SPATA16: variants seen among roughly 807,000 people sequenced by gnomAD.
The protein encoded by SPATA16 is spermatogenesis-associated protein 16.
Under a neutral mutation model 63.3 loss-of-function variants are expected in SPATA16, and 36 were observed. The observed-to-expected ratio is 0.57, with a 90% CI of 0.44 to 0.75. SPATA16 has a LOEUF of 0.75. SPATA16 is among the 30% of genes least tolerant of loss of function. SPATA16 has a pLI of 0.00. For missense variants in SPATA16, 646 were observed against 679.3 expected, an observed-to-expected ratio of 0.95 and a Z score of 0.54; for synonymous variants, 203 against 216.7, an observed-to-expected ratio of 0.94 and a Z score of 0.56.
chr3:173,100,935 A>T (rs1159024373), intron 2 of SPATA16, among the ~76,000 whole-genome samples: 1 of 152,186 alleles, frequency 6.6e-6, no homozygotes, highest in Non-Finnish European at 1.5e-5. Context: ...TGCTAACTTT[A>T]AAGGTGTATT....
chr3:173,137,665 A>G (rs143341659), intron 1 of SPATA16, among the ~76,000 whole-genome samples: 35 of 152,288 alleles, frequency 2.3e-4, no homozygotes, highest in African/African-American at 7.9e-4. Flanking sequence ...TGTTAACTAC[A>G]TCAGTAAATA....
chr3:173,048,929 T>A lies in SPATA16; in HGVS notation c.758+20A>T. 6.2e-7 allele frequency: 1 copy of A among 1,613,406 alleles called. No homozygotes were observed. The highest frequency in any genetic ancestry group is 8.5e-7 in the Non-Finnish European group (1 of 1,179,416). Reference sequence around the variant, plus strand: ...TAGCATGAACAGCATTTACTTGCACTTATTAGTATATGATTTTACCTGTGT... The same window carrying A: ...TAGCATGAACAGCATTTACTTGCACATATTAGTATATGATTTTACCTGTGT... On this transcript the variant is annotated intron_variant, in intron 3 of 10. Coordinates refer to ENST00000351008, the MANE Select transcript of SPATA16 (RefSeq NM_031955.6).
At chr3:173,058,811 G>A (rs1396936325) in intron 2 of SPATA16, among the ~76,000 whole-genome samples, 3 of 151,858 alleles carry the variant, frequency 2.0e-5, no homozygotes, top group Non-Finnish European at 4.4e-5. Context: ...GTTATGTTTT[G>A]TTATTGGGCT....
At chr3:172,998,040 A>C (rs559124917) in intron 4 of SPATA16, among the ~76,000 whole-genome samples, 1 of 152,084 alleles carries the variant, frequency 6.6e-6, no homozygotes, top group East Asian at 1.9e-4. Flanking sequence ...ACCTCTCTAT[A>C]TATATTTTAG....
chr3:172,979,121 C>T (rs1366032964), intron 4 of SPATA16, among the ~76,000 whole-genome samples: 1 of 152,130 alleles, frequency 6.6e-6, no homozygotes, highest in Non-Finnish European at 1.5e-5. Flanking sequence ...CCTGTAGTCC[C>T]AGCTACTCGG....
chr3:173,067,327 C>T (rs181466369), intron 2 of SPATA16, among the ~76,000 whole-genome samples: 4 of 152,118 alleles, frequency 2.6e-5, no homozygotes, highest in East Asian at 1.9e-4. Flanking sequence ...TTATGCCAAG[C>T]GAATTAATGT....
chr3:173,131,233 C>G (rs1460289498), intron 1 of SPATA16, among the ~76,000 whole-genome samples: 1 of 152,138 alleles, frequency 6.6e-6, no homozygotes, highest in Non-Finnish European at 1.5e-5. Context: ...TGGAACCTAA[C>G]AAAATACATC....
chr3:172,963,487 G>T (rs1733837514), intron 5 of SPATA16, among the ~76,000 whole-genome samples: 1 of 151,646 alleles, frequency 6.6e-6, no homozygotes, highest in South Asian at 2.1e-4. Context: ...ATTTAGTTTT[G>T]TAGTGTGTTA....
Position 172,946,730 on chromosome 3 carries a change from A to G in SPATA16, c.1081+9947T>C, listed in dbSNP as rs140174938. Among the ~76,000 whole-genome samples the G allele has an allele frequency of 2.6e-5, 4 of 152,286 alleles. No homozygotes were observed. The East Asian group carries it at 7.7e-4, about 29-fold the overall frequency. On this transcript the variant is annotated intron_variant, in intron 6 of 10. Coordinates refer to ENST00000351008, the MANE Select transcript of SPATA16 (RefSeq NM_031955.6). ...CCCCTCTCCAGGCCCTGGCTCATGG[A>G]CAGCATTTCTGGACTAGAGTTGGGC...
chr3:172,930,553 C>CTTTTTTTTT (rs34780432), intron 6 of SPATA16, among the ~76,000 whole-genome samples: 4 of 87,390 alleles, frequency 4.6e-5, no homozygotes, highest in African/African-American at 8.9e-5. Flanking sequence ...CATTCAAACT[C>CTTTTTTTTT]TTTTTTTTTT....
intron 3 of SPATA16, among the ~76,000 whole-genome samples, chr3:173,023,352 T>C (rs1735380941): frequency 6.6e-6 from 1 of 152,080 alleles, no homozygotes; most frequent in African/African-American, 2.4e-5. Flanking sequence ...GGCTGGGCTT[T>C]GTAGCCCATG....
intron 2 of SPATA16, among the ~76,000 whole-genome samples, chr3:173,070,394 CAAAAAA>C (rs34180269): frequency 1.1e-5 from 1 of 92,980 alleles, no homozygotes. Context: ...GACTCTGTCT[CAAAAAA>C]AAAAAAAAAA....
At chr3:172,990,426 T>A (rs1217830824) in intron 4 of SPATA16, among the ~76,000 whole-genome samples, 2 of 152,218 alleles carry the variant, frequency 1.3e-5, no homozygotes. Flanking sequence ...TTTTGAGATA[T>A]ATTCCTCCAG....
intron 1 of SPATA16, among the ~76,000 whole-genome samples, chr3:173,137,692 T>A (rs1055732957): frequency 6.6e-6 from 1 of 152,126 alleles, no homozygotes; most frequent in African/African-American, 2.4e-5. Flanking sequence ...GTGAGGAAGT[T>A]AACTGAGAGA....
intron 8 of SPATA16, among the ~76,000 whole-genome samples, chr3:172,921,876 C>T (rs1277314244): frequency 6.6e-5 from 10 of 152,120 alleles, no homozygotes; most frequent in Non-Finnish European, 1.3e-4. Context: ...GTTACTTGGC[C>T]AGAGCATGGC....
intron 2 of SPATA16, among the ~76,000 whole-genome samples, chr3:173,109,028 C>CT (rs1333001191): frequency 6.6e-6 from 1 of 152,094 alleles, no homozygotes; most frequent in Non-Finnish European, 1.5e-5. Flanking sequence ...TGTTCATAAT[C>CT]TTTTTTTATG....
At chr3:173,056,734 T>G (rs967695632) in intron 2 of SPATA16, among the ~76,000 whole-genome samples, 16 of 112,514 alleles carry the variant, frequency 1.4e-4, no homozygotes, top group African/African-American at 6.4e-4. Flanking sequence ...AAAAAAGAAA[T>G]GTGGTTGAGT....
At chr3:173,099,441 T>C (rs914852750) in intron 2 of SPATA16, among the ~76,000 whole-genome samples, 16 of 152,172 alleles carry the variant, frequency 1.1e-4, no homozygotes, top group Non-Finnish European at 2.2e-4. Flanking sequence ...TATATAGAAT[T>C]TGGTACTATC....
chr3:173,044,792 C>T (rs890471803), intron 3 of SPATA16, among the ~76,000 whole-genome samples: 1 of 151,966 alleles, frequency 6.6e-6, no homozygotes, highest in Non-Finnish European at 1.5e-5. Flanking sequence ...TTTTTTCCCC[C>T]TGTGAGAGAA....
Sources: gnomAD v4.1 joint callset for allele counts (sites outside exome capture counted in the v4.1 genomes callset) on GRCh38, gnomAD v4.1.1 for gene constraint, MANE v1.5 for transcripts, NCBI Gene and HGNC (gene_info 2026-07-23, HGNC 2026-07-21) for gene names.